The following APBB1IP variants were observed in gnomAD, a reference collection of about 807,000 sequenced individuals.
APBB1IP encodes amyloid beta A4 precursor protein-binding family B member 1-interacting protein.
Under a neutral mutation model 64.9 loss-of-function variants are expected in APBB1IP, and 27 were observed. The ratio of observed to expected loss-of-function variants is 0.42; its 90% CI spans 0.31 to 0.57. APBB1IP has a LOEUF of 0.57. APBB1IP is among the 20% of genes least tolerant of loss of function. The probability of loss-of-function intolerance (pLI) is 0.20; values close to 1 mark genes in which losing one functional copy is unlikely to be tolerated. For missense variants in APBB1IP, 812 were observed against 845.5 expected (o/e 0.96, Z 0.49); for synonymous variants, 392 against 331.0 (o/e 1.18, Z -2.00).
In APBB1IP at chr10:26,442,374, G is replaced by A. The variant is rs915694070; in HGVS notation, c.-1+3521G>A. On this transcript the variant is annotated intron_variant, in intron 2 of 14. Coordinates refer to ENST00000376236, the MANE Select transcript of APBB1IP (RefSeq NM_019043.4). ...TTATTCTAATCCCACATGACAGCCG[G>A]CTAGGTTGATTAAATCAACAAGCAA... Among the ~76,000 whole-genome samples the A allele has an allele frequency of 8.5e-5, 13 of 152,266 alleles. 1 individual carries two copies. In the East Asian group the frequency reaches 2.3e-3, roughly 27 times the overall value.
chr10:26,531,789 A>G (rs563492061), intron 8 of APBB1IP, among the ~76,000 whole-genome samples: 2 of 152,140 alleles, frequency 1.3e-5, no homozygotes, highest in African/African-American at 2.4e-5. Context: ...TTGATTCTCA[A>G]ACTTCAGCAT....
chr10:26,522,829 G>A (rs1204595605), intron 8 of APBB1IP, among the ~76,000 whole-genome samples: 1 of 151,734 alleles, frequency 6.6e-6, no homozygotes, highest in Non-Finnish European at 1.5e-5. Context: ...ATGAAACCTT[G>A]TCTCTACTAA....
At chr10:26,487,202 T>C (rs1835902763) in intron 2 of APBB1IP, among the ~76,000 whole-genome samples, 1 of 149,976 alleles carries the variant, frequency 6.7e-6, no homozygotes, top group Non-Finnish European at 1.5e-5. Flanking sequence ...TGGGTGTTTT[T>C]TTTTTTTTCC....
At chr10:26,480,909 T>G (rs1254914031) in intron 2 of APBB1IP, among the ~76,000 whole-genome samples, 1 of 152,114 alleles carries the variant, frequency 6.6e-6, no homozygotes. Flanking sequence ...TAAAAAGAAA[T>G]GTTCATGATT....
At position 26,564,710 on chromosome 10, in the gene APBB1IP, T is replaced by G. The variant is rs151304348; in HGVS notation, c.1474-2251T>G. 1.7e-3 allele frequency among the ~76,000 whole-genome samples: 255 copies of G among 152,040 alleles called. 2 individuals are homozygous for G. Among genetic ancestry groups the G allele is most frequent in the African/African-American group, 5.9e-3 (244 of 41,436 alleles). On this transcript the variant is annotated intron_variant, in intron 14 of 14. Coordinates refer to ENST00000376236, the MANE Select transcript of APBB1IP (RefSeq NM_019043.4). Reference sequence around the variant, plus strand: ...TCCAGCTAATCCGGAGGCTGAGGCATGAGGATTGCTTGAGCTCGGGAGGTG... The same window carrying G: ...TCCAGCTAATCCGGAGGCTGAGGCAGGAGGATTGCTTGAGCTCGGGAGGTG...
chr10:26,460,774 G>A (rs569236771), intron 2 of APBB1IP, among the ~76,000 whole-genome samples: 5 of 152,230 alleles, frequency 3.3e-5, no homozygotes, highest in African/African-American at 1.2e-4. Context: ...CACATTGGGG[G>A]AACAACACAC....
chr10:26,515,088 G>T (rs568642824), intron 8 of APBB1IP, among the ~76,000 whole-genome samples: 3 of 138,724 alleles, frequency 2.2e-5, no homozygotes. Flanking sequence ...TCACCGTGTT[G>T]GCCAGGGTGA....
chr10:26,449,003 C>T (rs906956330), intron 2 of APBB1IP, among the ~76,000 whole-genome samples: 2 of 152,232 alleles, frequency 1.3e-5, no homozygotes, highest in East Asian at 1.9e-4. Flanking sequence ...TCCAAAAATA[C>T]GCCTGTCTTT....
At chr10:26,447,862 T>C (rs916838866) in intron 2 of APBB1IP, among the ~76,000 whole-genome samples, 6 of 152,100 alleles carry the variant, frequency 3.9e-5, no homozygotes, top group Admixed American at 6.5e-5. Context: ...TCTTGAACTC[T>C]TGGGCTCAAG....
chr10:26,443,732 T>C (rs1476126056), intron 2 of APBB1IP, among the ~76,000 whole-genome samples: 1 of 151,810 alleles, frequency 6.6e-6, no homozygotes, highest in East Asian at 1.9e-4. Context: ...AGACAGGGTC[T>C]CATTTTGTTG....
chr10:26,551,922 G>C (rs796074355), intron 11 of APBB1IP, among the ~76,000 whole-genome samples: 2 of 129,828 alleles, frequency 1.5e-5, no homozygotes, highest in Non-Finnish European at 3.2e-5. Context: ...TGGACAGATG[G>C]GTGGGTGGAT....
At chr10:26,446,736 T>C (rs1337528616) in intron 2 of APBB1IP, among the ~76,000 whole-genome samples, 1 of 152,130 alleles carries the variant, frequency 6.6e-6, no homozygotes, top group East Asian at 1.9e-4. Flanking sequence ...CTGCCCAGCA[T>C]GGTGGGTCAC....
At chr10:26,530,598 G>A (rs1836539119) in intron 8 of APBB1IP, among the ~76,000 whole-genome samples, 2 of 151,884 alleles carry the variant, frequency 1.3e-5, no homozygotes, top group Non-Finnish European at 2.9e-5. Context: ...GCTGAGGCAG[G>A]AGAATTGCTT....
intron 4 of APBB1IP, among the ~76,000 whole-genome samples, 164 bp from the exon 5 acceptor site, chr10:26,500,655 C>G (rs1564361901): frequency 6.6e-6 from 1 of 152,164 alleles, no homozygotes; most frequent in Non-Finnish European, 1.5e-5. Flanking sequence ...TTAGGAATTC[C>G]TACGCTTGTG....
chr10:26,455,872 T>C (rs1319263034), intron 2 of APBB1IP, among the ~76,000 whole-genome samples: 1 of 152,188 alleles, frequency 6.6e-6, no homozygotes, highest in Non-Finnish European at 1.5e-5. Flanking sequence ...CCGGCATAAT[T>C]TGTATTAGCT....
chr10:26,523,626 G>A (rs1836432545), intron 8 of APBB1IP, among the ~76,000 whole-genome samples: 1 of 151,974 alleles, frequency 6.6e-6, no homozygotes, highest in Non-Finnish European at 1.5e-5. Flanking sequence ...TCTTGGAGGG[G>A]CTTCATGTAA....
chr10:26,511,614 G>A (rs1836260873), intron 6 of APBB1IP, 133 bp from the exon 7 acceptor site: 1 of 1,058,820 alleles, frequency 9.4e-7, no homozygotes, highest in Non-Finnish European at 1.4e-6. Flanking sequence ...ATGCAAGTTA[G>A]TTTAGATGGA....
chr10:26,559,277 T>C (rs787019), intron 11 of APBB1IP, among the ~76,000 whole-genome samples: 25,531 of 152,068 alleles, frequency 0.17, 2,301 homozygotes, highest in East Asian at 0.33. Flanking sequence ...TAAGAAGTGT[T>C]TACAGACAAG....
intron 2 of APBB1IP, among the ~76,000 whole-genome samples, chr10:26,459,877 T>C (rs960062752): frequency 2.0e-5 from 3 of 152,196 alleles, no homozygotes; most frequent in African/African-American, 7.2e-5. Context: ...TCCCCTATAA[T>C]ATATTTATGT....
Sources: allele counts gnomAD v4.1 joint callset (sites outside exome capture counted in the v4.1 genomes callset), GRCh38; gene constraint gnomAD v4.1.1; transcripts MANE v1.5; gene names NCBI Gene and HGNC (gene_info 2026-07-23, HGNC 2026-07-21).